Variants in ACAP2 observed in about 807,000 individuals in gnomAD.
ACAP2 encodes ArfGAP with coiled-coil, ankyrin repeat and PH domains 2.
A neutral mutation model predicts 115.8 loss-of-function variants in ACAP2; 39 were observed. That is an observed-to-expected ratio of 0.34 (90% CI 0.26 to 0.44). The LOEUF is 0.44. Ranked by LOEUF, ACAP2 falls within the 20% of genes least tolerant of loss-of-function variation. The pLI is 1.00. For synonymous variants in ACAP2, 289 were observed against 315.8 expected (o/e 0.92, Z 0.90); for missense variants, 662 against 927.6 (o/e 0.71, Z 3.72).
intron 10 of ACAP2, among the ~76,000 whole-genome samples, chr3:195,309,572 T>C (rs1651181792): frequency 1.3e-5 from 2 of 151,836 alleles, no homozygotes; most frequent in African/African-American, 4.8e-5. Flanking sequence ...TATCCACTTG[T>C]ATACAGAAAA....
intron 2 of ACAP2, among the ~76,000 whole-genome samples, chr3:195,383,879 A>C (rs1734112059): frequency 6.6e-6 from 1 of 152,214 alleles, no homozygotes; most frequent in African/African-American, 2.4e-5. Context: ...AAACCCATGA[A>C]AAGATATTCA....
chr3:195,357,401 C>T (rs1274364688), intron 4 of ACAP2, among the ~76,000 whole-genome samples: 1 of 152,146 alleles, frequency 6.6e-6, no homozygotes. Context: ...AGGAATTCAC[C>T]ACCCCGAAGG....
Position 195,407,677 on chromosome 3 carries a change from A to AC in ACAP2, c.54-15531dup, listed in dbSNP as rs1190600490. On this transcript the variant is annotated intron_variant, in intron 1 of 22. Coordinates refer to ENST00000326793, the MANE Select transcript of ACAP2 (RefSeq NM_012287.6). ...ATGCCACTGCACTCCTGCCTGGGCA[A>AC]CAGAGTAAGACTCCGTCTCAAAAGA... Among the ~76,000 whole-genome samples, 4 of 152,338 alleles carry AC rather than the reference A, an allele frequency of 2.6e-5. No homozygotes were observed. The Middle Eastern group carries it at 0.01, about 389-fold the overall frequency.
chr3:195,295,451 T>C (rs1195505408), intron 17 of ACAP2: 4 of 553,460 alleles, frequency 7.2e-6, no homozygotes, highest in Non-Finnish European at 1.2e-5. Flanking sequence ...ATGTCAGGTT[T>C]ATAATTCCCA....
intron 10 of ACAP2, among the ~76,000 whole-genome samples, chr3:195,314,839 G>A (rs186458779): frequency 5.3e-5 from 8 of 152,260 alleles, no homozygotes; most frequent in East Asian, 3.9e-4. Flanking sequence ...ATTAAGCTGC[G>A]CAGAGAATTG....
rs1730284610 is a variant in ACAP2 at position 195,333,131 on chromosome 3, G to A, written c.574-8C>T. On this transcript the variant is annotated splice_polypyrimidine_tract_variant and splice_region_variant and intron_variant, in intron 7 of 22. Coordinates refer to ENST00000326793, the MANE Select transcript of ACAP2 (RefSeq NM_012287.6). ...ATACATAAATGACAACATCTAATAG[G>A]GAAAAAAAGATGACCATTTTAAAAT... 7 of 1,507,696 alleles carry A rather than the reference G, an allele frequency of 4.6e-6. No individual in the cohort carries two copies. Among genetic ancestry groups the A allele is most frequent in the South Asian group, 2.4e-5 (2 of 81,746 alleles). The allele number at this position is 1,507,696 out of a possible 1,614,324, so 93.4% of individuals were successfully genotyped here.
intron 10 of ACAP2, among the ~76,000 whole-genome samples, chr3:195,315,720 T>C (rs1387626394): frequency 2.0e-5 from 3 of 152,210 alleles, no homozygotes; most frequent in South Asian, 2.1e-4. Flanking sequence ...TCACTACACA[T>C]AGATGGCATC....
chr3:195,297,336 A>C (rs549508540), intron 15 of ACAP2, 55 bp from the exon 16 acceptor site: 3 of 1,483,794 alleles, frequency 2.0e-6, no homozygotes, highest in East Asian at 2.3e-5. Context: ...CCTTAAAATA[A>C]GCTAAAATTT....
At chr3:195,279,604 G>GAAA in intron 22 of ACAP2, 176 bp from the exon 23 acceptor site, 1 of 330,206 alleles carries the variant, frequency 3.0e-6, no homozygotes. Flanking sequence ...TGCAATGAAA[G>GAAA]AAAAAAAAAA....
chr3:195,343,888 T>C (rs1294933731), intron 5 of ACAP2, among the ~76,000 whole-genome samples: 1 of 152,190 alleles, frequency 6.6e-6, no homozygotes, highest in East Asian at 1.9e-4. Context: ...ATGTGTGCAT[T>C]CTATGAAGAC....
At chr3:195,339,428 T>C (rs1730727980) in intron 6 of ACAP2, among the ~76,000 whole-genome samples, 1 of 151,022 alleles carries the variant, frequency 6.6e-6, no homozygotes, top group Non-Finnish European at 1.5e-5. Context: ...AATTAAGTGC[T>C]ATATAAAATT....
chr3:195,285,512 C>T (rs531232597), intron 22 of ACAP2: 9 of 335,356 alleles, frequency 2.7e-5, no homozygotes, highest in African/African-American at 4.3e-5. Context: ...GGAAGACATC[C>T]GTACAGCAAA....
chr3:195,345,308 C>A lies in ACAP2; in HGVS notation c.295G>T (p.Asp99Tyr). 1.2e-6 allele frequency: 2 copies of A among 1,604,208 alleles called. No individual in the cohort carries two copies. Among genetic ancestry groups the A allele is most frequent in the South Asian group, 2.2e-5 (2 of 90,572 alleles). Residue 99 changes from aspartate to tyrosine, a missense_variant, in exon 5 of 23, where the codon GAC becomes TAC. By Grantham distance (160) the Asp-to-Tyr change is radical. Around this residue, in one of 3 missense-constraint regions of ACAP2, gnomAD observed 401 missense variants for 604.4 expected, o/e 0.66. Transcript: ENST00000326793. The part of the protein sequence containing the change: ...EMINFHTILF[D>Y]QTQRSIKAQL... Reference sequence around the variant, plus strand: ...GCCTTAATTGATCTCTGAGTTTGGTCAAACAGGATCTAAAAAATAAAATGT... The same window carrying A: ...GCCTTAATTGATCTCTGAGTTTGGTAAAACAGGATCTAAAAAATAAAATGT...
intron 4 of ACAP2, among the ~76,000 whole-genome samples, chr3:195,352,537 G>C (rs544267975): frequency 2.0e-5 from 3 of 152,042 alleles, no homozygotes; most frequent in Admixed American, 6.5e-5. Flanking sequence ...TTCACATAAA[G>C]AAATAAAACT....
intron 8 of ACAP2, among the ~76,000 whole-genome samples, chr3:195,331,847 C>A (rs1181956155): frequency 6.6e-6 from 1 of 151,984 alleles, no homozygotes. Flanking sequence ...AACTATTACA[C>A]GTAGCCACCA....
intron 10 of ACAP2, among the ~76,000 whole-genome samples, chr3:195,309,299 C>A (rs12496204): frequency 6.6e-6 from 1 of 152,092 alleles, no homozygotes. Context: ...CCCAGCACTT[C>A]GGGAGGCCAA....
At chr3:195,280,090 G>A (rs1377695378) in intron 22 of ACAP2, among the ~76,000 whole-genome samples, 2 of 151,934 alleles carry the variant, frequency 1.3e-5, no homozygotes, top group African/African-American at 4.8e-5. Context: ...GGGGTTGGGG[G>A]GAGAATTGGT....
At chr3:195,394,076 G>A (rs1032373547) in intron 1 of ACAP2, among the ~76,000 whole-genome samples, 3 of 152,064 alleles carry the variant, frequency 2.0e-5, no homozygotes, top group African/African-American at 7.2e-5. Flanking sequence ...TCTAAGCAAC[G>A]TTTAAAGCTA....
chr3:195,301,754 T>C lies in ACAP2; in HGVS notation c.1326-110A>G, dbSNP rs112801787. ...TAATAAAGCCCTCGGCATACACATA[T>C]AGGCACAGATCTTCTGTTTAATAAT... is the stretch of plus-strand genomic sequence containing the variant. On this transcript the variant is annotated intron_variant, in intron 14 of 22. Coordinates refer to ENST00000326793, the MANE Select transcript of ACAP2 (RefSeq NM_012287.6). 4,049 of 1,161,284 alleles carry C rather than the reference T, an allele frequency of 3.5e-3. 62 individuals carry two copies. In the African/African-American group the frequency reaches 0.043, roughly 12 times the overall value. 71.9% of individuals were successfully genotyped at this position (1,161,284 alleles called of 1,614,324 possible).
Sources: allele counts gnomAD v4.1 joint callset (sites outside exome capture counted in the v4.1 genomes callset), GRCh38; gene constraint gnomAD v4.1.1; regional missense constraint gnomAD v4.1.1; transcripts MANE v1.5; gene names NCBI Gene and HGNC (gene_info 2026-07-23, HGNC 2026-07-21).